PFKL: variants seen among roughly 807,000 people sequenced by gnomAD.
PFKL encodes phosphofructokinase, liver type.
A neutral mutation model predicts 92.1 loss-of-function variants in PFKL; 74 were observed. The observed-to-expected ratio is 0.80, with a 90% CI of 0.67 to 0.97. The LOEUF (loss-of-function observed/expected upper bound fraction) is 0.97. Among genes scored for constraint, PFKL ranks in the 50% least tolerant of loss-of-function variants. The probability of loss-of-function intolerance (pLI) is 0.00; values close to 1 mark genes in which losing one functional copy is unlikely to be tolerated. For missense variants in PFKL, 1,028 were observed against 1,116.6 expected, an observed-to-expected ratio of 0.92 and a Z score of 1.13; for synonymous variants, 494 against 456.4, an observed-to-expected ratio of 1.08 and a Z score of -1.05.
At chr21:44,326,385 C>T in intron 21 of PFKL, 121 bp downstream of exon 21, 1 of 757,386 alleles carries the variant, frequency 1.3e-6, no homozygotes, top group Non-Finnish European at 2.2e-6. Flanking sequence ...CCTCCTGGGC[C>T]CCCATGCCCA....
intron 10 of PFKL, 118 bp from the exon 11 acceptor site, chr21:44,319,233 G>C (rs1171359708): frequency 1.2e-6 from 1 of 833,082 alleles, no homozygotes; most frequent in East Asian, 2.5e-5. Flanking sequence ...GCCAGGCCTG[G>C]GCCAGGGTCA....
In PFKL at chr21:44,322,220, G is replaced by T; in HGVS notation, c.1409+17G>T. The stretch of plus-strand genomic sequence containing the variant: ...GACCAAGAGGTGAGCTGCCTGCTGC[G>T]GGTACCTGGGGGCAGGAGGGCCAGG... On this transcript the variant is annotated intron_variant, in intron 14 of 21. Coordinates refer to ENST00000349048, the MANE Select transcript of PFKL (RefSeq NM_002626.6). 6.3e-7 allele frequency: 1 copy of T among 1,593,224 alleles called. No homozygotes were observed. Among genetic ancestry groups the T allele is most frequent in the Non-Finnish European group, 8.5e-7 (1 of 1,173,490 alleles).
chr21:44,309,624 C>T (rs556882670), intron 2 of PFKL, among the ~76,000 whole-genome samples: 5 of 152,182 alleles, frequency 3.3e-5, no homozygotes, highest in Non-Finnish European at 7.4e-5. Flanking sequence ...GCCTGGCTGG[C>T]GCCTGGGCTC....
intron 19 of PFKL, 137 bp downstream of exon 19, chr21:44,325,401 A>G: frequency 3.1e-6 from 2 of 645,720 alleles, no homozygotes; most frequent in South Asian, 3.4e-5. Flanking sequence ...GCCCTTCCCC[A>G]GTGAGGGGAC....
At chr21:44,314,319 T>A in intron 7 of PFKL, 1 of 383,316 alleles carries the variant, frequency 2.6e-6, no homozygotes, top group Non-Finnish European at 4.8e-6. Context: ...CTTACTGGGG[T>A]GGGACTGCTG....
At chr21:44,306,618 G>GA (rs1220815705) in intron 1 of PFKL, 63 bp from the exon 2 acceptor site, 1 of 1,454,388 alleles carries the variant, frequency 6.9e-7, no homozygotes, top group Non-Finnish European at 9.5e-7. Context: ...CTCTGAGATG[G>GA]GGAGGGTGTC....
intron 2 of PFKL, among the ~76,000 whole-genome samples, chr21:44,309,587 C>T (rs764983496): frequency 3.7e-4 from 56 of 152,224 alleles, no homozygotes; most frequent in Non-Finnish European, 7.3e-4. Context: ...GCCATACCTG[C>T]CTGCCCCTCC....
Position 44,316,267 on chromosome 21 carries a change from G to C in PFKL, c.771G>C (p.Leu257=), listed in dbSNP as rs757989709. The change falls in exon 8 of 22, where the codon CTG becomes CTC. Residue 257 remains leucine, a synonymous_variant. Coordinates refer to ENST00000349048, the MANE Select transcript of PFKL (RefSeq NM_002626.6). ...LGETRSRGSR[L]NIIIIAEGAI... ...AGACTCGGAGCCGTGGGTCCCGACTGAACATCATCATCATCGCTGAGGGTG... is the reference window on the plus strand; with the variant it reads ...AGACTCGGAGCCGTGGGTCCCGACTCAACATCATCATCATCGCTGAGGGTG... 1.9e-6 allele frequency: 3 copies of C among 1,613,092 alleles called. No homozygotes were observed.
intron 1 of PFKL, chr21:44,304,453 G>A (rs2040869060): frequency 1.6e-5 from 19 of 1,211,704 alleles, no homozygotes; most frequent in Admixed American, 3.2e-5. Context: ...CTGCCTGCCA[G>A]AGGTGGGCTT....
intron 9 of PFKL, among the ~76,000 whole-genome samples, chr21:44,317,646 A>C (rs1366912192): frequency 6.6e-6 from 1 of 152,206 alleles, no homozygotes; most frequent in Admixed American, 6.5e-5. Flanking sequence ...GCTGTCACCC[A>C]GAGCGTCAGC....
intron 16 of PFKL, 187 bp from the exon 17 acceptor site, chr21:44,324,304 G>A: frequency 1.6e-6 from 1 of 630,728 alleles, no homozygotes; most frequent in Non-Finnish European, 2.7e-6. Flanking sequence ...GGGTCGCCTG[G>A]TTGAGAACCC....
intron 6 of PFKL, 115 bp from the exon 7 acceptor site, chr21:44,313,798 G>A (rs2047123261): frequency 1.5e-6 from 2 of 1,331,888 alleles, no homozygotes; most frequent in Admixed American, 2.0e-5. Flanking sequence ...AGAGAGCCGG[G>A]TGGGGGCCGG....
intron 13 of PFKL, 87 bp from the exon 14 acceptor site, chr21:44,322,046 T>G: frequency 6.7e-7 from 1 of 1,492,744 alleles, no homozygotes. Flanking sequence ...TGCCCAACAC[T>G]GGCTGGCCCC....
intron 12 of PFKL, 25 bp from the exon 13 acceptor site, chr21:44,321,704 C>A: frequency 1.3e-6 from 2 of 1,522,186 alleles, no homozygotes; most frequent in Admixed American, 2.1e-5. Context: ...CTGTGCCTCA[C>A]GCTCATCTCC....
chr21:44,318,636 C>T (rs753119075), intron 10 of PFKL, 41 bp downstream of exon 10: 4 of 1,413,844 alleles, frequency 2.8e-6, no homozygotes, highest in Non-Finnish European at 3.7e-6. Flanking sequence ...CCTGGCCCCT[C>T]TCCCCAGTCC....
rs527917223 is a variant in PFKL, at chr21:44,306,618, G to A, written c.86-63G>A. The A allele has an allele frequency of 9.4e-5, 137 of 1,454,388 alleles. 3 individuals are homozygous for A. In the African/African-American group the frequency reaches 1.6e-3, roughly 17 times the overall value. The allele number at this position is 1,454,388 out of a possible 1,614,324, so 90.1% of individuals were successfully genotyped here. On this transcript the variant is annotated intron_variant, in intron 1 of 21. Transcript: ENST00000349048. Reference sequence around the variant, plus strand: ...CCCCTACCCCCTGTCCTCTGAGATGGGGAGGGTGTCCAGGGCCTTGCTTCT... The same window carrying A: ...CCCCTACCCCCTGTCCTCTGAGATGAGGAGGGTGTCCAGGGCCTTGCTTCT...
chr21:44,324,851 C>T lies in PFKL; in HGVS notation c.1816-5C>T, dbSNP rs539837415. 7.1e-5 allele frequency: 114 copies of T among 1,606,400 alleles called. 2 individuals are homozygous for T. The South Asian group carries it at 7.6e-4, about 11-fold the overall frequency. On this transcript the variant is annotated splice_polypyrimidine_tract_variant and splice_region_variant and intron_variant, in intron 17 of 21. Coordinates refer to ENST00000349048, the MANE Select transcript of PFKL (RefSeq NM_002626.6). ...CCGGCTCATCCGTGTCCGCCCCTCC[C>T]GCAGGTCAACGTGGAGCACATGACG...
At chr21:44,312,084 T>C in intron 3 of PFKL, 21 bp from the exon 4 acceptor site, 2 of 1,432,394 alleles carry the variant, frequency 1.4e-6, no homozygotes, top group Non-Finnish European at 1.8e-6. Flanking sequence ...TCTCCTGAAG[T>C]TTCTGGTCTC....
At chr21:44,310,013 G>A (rs935798870) in intron 2 of PFKL, among the ~76,000 whole-genome samples, 3 of 152,360 alleles carry the variant, frequency 2.0e-5, no homozygotes, top group Admixed American at 6.5e-5. Flanking sequence ...GGGAGAAGGC[G>A]GAGGGAGGAG....
Sources: allele counts gnomAD v4.1 joint callset (sites outside exome capture counted in the v4.1 genomes callset), GRCh38; gene constraint gnomAD v4.1.1; transcripts MANE v1.5; gene names NCBI Gene and HGNC (gene_info 2026-07-23, HGNC 2026-07-21).